ZNF654: variants seen among roughly 807,000 people sequenced by gnomAD.
ZNF654 encodes the protein zinc finger protein 654.
Under a neutral mutation model 95.3 loss-of-function variants are expected in ZNF654, and 19 were observed. The observed-to-expected ratio is 0.20, with a 90% CI of 0.14 to 0.29. The LOEUF (loss-of-function observed/expected upper bound fraction) is 0.29, where lower values mean the gene tolerates loss of function less well. ZNF654 is among the 10% of genes least tolerant of loss of function. ZNF654 has a pLI of 1.00. For missense variants in ZNF654, 1,046 were observed against 1,341.0 expected (o/e 0.78, Z 3.44); for synonymous variants, 413 against 457.9 (o/e 0.90, Z 1.25).
chr3:88,080,843 G>A (rs1708040241), intron 1 of ZNF654, among the ~76,000 whole-genome samples: 1 of 152,148 alleles, frequency 6.6e-6, no homozygotes. Flanking sequence ...TTTTAAAACT[G>A]AACTAATTTT....
intron 2 of ZNF654, among the ~76,000 whole-genome samples, chr3:88,111,482 A>G (rs577327547): frequency 3.9e-5 from 6 of 151,934 alleles, no homozygotes; most frequent in Non-Finnish European, 8.8e-5. Context: ...TTGCTTAACA[A>G]TATATCTTGG....
chr3:88,121,010 G>C (rs546942832), intron 3 of ZNF654, among the ~76,000 whole-genome samples: 1 of 152,082 alleles, frequency 6.6e-6, no homozygotes, highest in African/African-American at 2.4e-5. Flanking sequence ...TAGGTGATGG[G>C]TTGATAGGTG....
Position 88,142,468 on chromosome 3 carries a change from G to A in ZNF654, c.*816G>A, listed in dbSNP as rs1258032150. 6.6e-6 allele frequency: 1 copy of A among 152,348 alleles called. No homozygotes were observed. Among genetic ancestry groups the A allele is most frequent in the Non-Finnish European group, 1.5e-5 (1 of 67,832 alleles). 9.4% of individuals were successfully genotyped at this position (152,348 alleles called of 1,614,324 possible). On this transcript the variant is annotated 3_prime_UTR_variant, in exon 9 of 9. Coordinates refer to ENST00000636215, the MANE Select transcript of ZNF654 (RefSeq NM_001350134.2). The stretch of plus-strand genomic sequence containing the variant: ...AATCTAAGACTTTACAGGCTTTGTA[G>A]TTGAAGGAAAACACTGAATTGCAAA...
intron 2 of ZNF654, among the ~76,000 whole-genome samples, chr3:88,096,464 C>T (rs1704066615): frequency 6.6e-6 from 1 of 152,104 alleles, no homozygotes; most frequent in African/African-American, 2.4e-5. Context: ...TTCCTCCTGA[C>T]TTCTGACTTC....
At chr3:88,069,759 A>G (rs1382069538) in intron 1 of ZNF654, among the ~76,000 whole-genome samples, 1 of 152,222 alleles carries the variant, frequency 6.6e-6, no homozygotes, top group Admixed American at 6.5e-5. Context: ...TACACAAATT[A>G]TAGCAGTTCT....
At chr3:88,128,598 T>C (rs1706262124) in intron 4 of ZNF654, among the ~76,000 whole-genome samples, 1 of 152,134 alleles carries the variant, frequency 6.6e-6, no homozygotes, top group African/African-American at 2.4e-5. Flanking sequence ...AATCAACAAA[T>C]ATTTCTTGAG....
chr3:88,129,063 A>G, intron 5 of ZNF654, 52 bp downstream of exon 5: 1 of 1,356,104 alleles, frequency 7.4e-7, no homozygotes, highest in African/African-American at 1.5e-5. Context: ...TACCAAAAAA[A>G]AACCAAAAAA....
chr3:88,097,306 T>G (rs1704121458), intron 2 of ZNF654, among the ~76,000 whole-genome samples: 1 of 152,122 alleles, frequency 6.6e-6, no homozygotes, highest in East Asian at 1.9e-4. Context: ...TTGAACCAAT[T>G]TACATTCTTG....
chr3:88,064,331 C>G (rs1295848495), intron 1 of ZNF654, among the ~76,000 whole-genome samples: 2 of 152,146 alleles, frequency 1.3e-5, no homozygotes, highest in African/African-American at 2.4e-5. Context: ...CACTATTGAT[C>G]TCACTATTGA....
intron 2 of ZNF654, among the ~76,000 whole-genome samples, chr3:88,111,071 T>G (rs1283071154): frequency 6.6e-6 from 1 of 152,050 alleles, no homozygotes; most frequent in South Asian, 2.1e-4. Flanking sequence ...TTTAGGAAGA[T>G]AATAACTGCT....
chr3:88,067,986 T>C (rs1707296663), intron 1 of ZNF654, among the ~76,000 whole-genome samples: 1 of 152,042 alleles, frequency 6.6e-6, no homozygotes, highest in African/African-American at 2.4e-5. Flanking sequence ...AAGAAGGGAT[T>C]ATCTATATTA....
chr3:88,140,058 G>C lies in ZNF654; in HGVS notation c.2389G>C (p.Glu797Gln). Residue 797 changes from glutamate (E) to glutamine (Q), a missense_variant, in exon 8 of 9, where the codon GAA becomes CAA. Glu to Gln is a conservative substitution (Grantham distance 29). Transcript: ENST00000636215. ...GKCKFCQRQF[E>Q]DSQHFIDHLN... is the part of the protein sequence containing the mutation. Reference sequence around the variant, plus strand: ...ATGCAAATTTTGTCAAAGGCAATTTGAAGATTCTCAACATTTTATAGACCA... The same window carrying C: ...ATGCAAATTTTGTCAAAGGCAATTTCAAGATTCTCAACATTTTATAGACCA... 1 of 1,613,750 alleles carries C rather than the reference G, an allele frequency of 6.2e-7. No homozygotes were observed. Among genetic ancestry groups the C allele is most frequent in the Non-Finnish European group, 8.5e-7 (1 of 1,179,748 alleles).
At chr3:88,101,067 C>T (rs1704393024) in intron 2 of ZNF654, among the ~76,000 whole-genome samples, 1 of 152,166 alleles carries the variant, frequency 6.6e-6, no homozygotes, top group South Asian at 2.1e-4. Flanking sequence ...AATCTTGTTT[C>T]AGCTGTATTT....
In ZNF654 at chr3:88,139,440, T is replaced by C. The variant is rs907652289; in HGVS notation, c.1771T>C (p.Leu591=). 1 of 1,613,702 alleles carries C rather than the reference T, an allele frequency of 6.2e-7. No individual in the cohort carries two copies. Among genetic ancestry groups the C allele is most frequent in the African/African-American group, 1.3e-5 (1 of 74,934 alleles). ...FRNRGLMQKH[L]KNHVKKIQRQ... ...AAACAGAGGACTTATGCAGAAGCAT[T>C]TGAAGAATCATGTTAAGAAGATACA... The change falls in exon 8 of 9, where the codon TTG becomes CTG. Residue 591 remains leucine (L), a synonymous_variant. Coordinates refer to ENST00000636215, the MANE Select transcript of ZNF654 (RefSeq NM_001350134.2).
intron 2 of ZNF654, among the ~76,000 whole-genome samples, chr3:88,103,201 T>G (rs557070414): frequency 3.3e-5 from 5 of 152,172 alleles, no homozygotes; most frequent in South Asian, 4.1e-4. Flanking sequence ...TATTAAGAGA[T>G]AAAGCAATCA....
chr3:88,084,460 T>G (rs2107655942), intron 1 of ZNF654, among the ~76,000 whole-genome samples: 1 of 152,272 alleles, frequency 6.6e-6, no homozygotes, highest in East Asian at 1.9e-4. Context: ...TTTCTAACAT[T>G]CCTCTTTTTT....
chr3:88,135,136 C>T lies in ZNF654; in HGVS notation c.969C>T (p.Tyr323=), dbSNP rs1475140112. 3.4e-6 allele frequency: 5 copies of T among 1,490,068 alleles called. No homozygotes were observed. Among genetic ancestry groups the T allele is most frequent in the Non-Finnish European group, 4.4e-6 (5 of 1,125,860 alleles). 92.3% of individuals were successfully genotyped at this position (1,490,068 alleles called of 1,614,324 possible). ...AACAAGTTTTTGTAGATCAATGCTA[C>T]CAGCTTTTAAGAACAGCAACTAATG... The part of the protein sequence containing the change: ...PSKQVFVDQC[Y]QLLRTATNVR... The change falls in exon 7 of 9, where the codon TAC becomes TAT. Residue 323 remains tyrosine (Y), a synonymous_variant. Transcript: ENST00000636215.
intron 2 of ZNF654, among the ~76,000 whole-genome samples, chr3:88,109,505 TC>T (rs1413175206): frequency 2.0e-5 from 3 of 152,170 alleles, no homozygotes; most frequent in Admixed American, 2.0e-4. Flanking sequence ...CAATTAAGTA[TC>T]ATATTTAGTG....
chr3:88,128,395 T>A (rs2032685497), intron 4 of ZNF654, among the ~76,000 whole-genome samples: 1 of 152,106 alleles, frequency 6.6e-6, no homozygotes, highest in South Asian at 2.1e-4. Flanking sequence ...ATGGTTTTAA[T>A]GTGACAGATT....
Sources: gnomAD v4.1 joint callset for allele counts (sites outside exome capture counted in the v4.1 genomes callset) on GRCh38, gnomAD v4.1.1 for gene constraint, MANE v1.5 for transcripts, NCBI Gene and HGNC (gene_info 2026-07-23, HGNC 2026-07-21) for gene names.